EVA1C: variants seen among roughly 807,000 people sequenced by gnomAD.
EVA1C encodes eva-1 homolog C.
A neutral mutation model predicts 45.4 loss-of-function variants in EVA1C; 25 were observed. That is an observed-to-expected ratio of 0.55 (90% CI 0.40 to 0.77). The LOEUF (loss-of-function observed/expected upper bound fraction) is 0.77. EVA1C is among the 30% of genes least tolerant of loss of function. EVA1C has a pLI of 0.00. For missense variants in EVA1C, 479 were observed against 554.8 expected, an observed-to-expected ratio of 0.86 and a Z score of 1.37; for synonymous variants, 190 against 221.2, an observed-to-expected ratio of 0.86 and a Z score of 1.25.
chr21:32,489,990 G>C (rs1224542682), intron 4 of EVA1C, among the ~76,000 whole-genome samples: 1 of 152,098 alleles, frequency 6.6e-6, no homozygotes, highest in Non-Finnish European at 1.5e-5. Flanking sequence ...TTTTAGTAGA[G>C]ATGGGGTTTC....
At chr21:32,442,984 GGGAGGGAGGGAGGGAA>G (rs955605879) in intron 1 of EVA1C, among the ~76,000 whole-genome samples, 3 of 145,182 alleles carry the variant, frequency 2.1e-5, no homozygotes, top group Admixed American at 6.9e-5. Flanking sequence ...AGGGAAGGAA[GGGAGGGAGGGAGGGAA>G]GGAGGGAGGG....
intron 4 of EVA1C, among the ~76,000 whole-genome samples, chr21:32,484,742 G>A (rs2036913326): frequency 6.6e-6 from 1 of 151,944 alleles, no homozygotes; most frequent in East Asian, 1.9e-4. Context: ...CTCTCTTCTG[G>A]ACAGGCACCT....
intron 6 of EVA1C, among the ~76,000 whole-genome samples, chr21:32,502,191 C>T (rs953063013): frequency 4.6e-5 from 7 of 151,946 alleles, no homozygotes; most frequent in South Asian, 4.2e-4. Context: ...CCTCTGCCTC[C>T]GGGTTCAAGC....
At chr21:32,415,599 A>T (rs2034004758) in intron 1 of EVA1C, among the ~76,000 whole-genome samples, 2 of 151,652 alleles carry the variant, frequency 1.3e-5, no homozygotes, top group African/African-American at 4.8e-5. Flanking sequence ...TTTTGCCCTC[A>T]GGGATTCCAG....
At chr21:32,498,563 A>G (rs1364903977) in intron 5 of EVA1C, among the ~76,000 whole-genome samples, 3 of 152,070 alleles carry the variant, frequency 2.0e-5, no homozygotes, top group Non-Finnish European at 4.4e-5. Flanking sequence ...ATGCTATTTT[A>G]GAAAAGGGCA....
chr21:32,478,276 T>C (rs2036656005), intron 4 of EVA1C, among the ~76,000 whole-genome samples: 1 of 152,090 alleles, frequency 6.6e-6, no homozygotes, highest in Non-Finnish European at 1.5e-5. Flanking sequence ...TGGAGTGCAG[T>C]GGCTCGATCT....
At chr21:32,494,778 T>G (rs2037286657) in intron 4 of EVA1C, among the ~76,000 whole-genome samples, 1 of 97,124 alleles carries the variant, frequency 1.0e-5, no homozygotes, top group Non-Finnish European at 1.9e-5. Flanking sequence ...CAAGAATCAG[T>G]TTCAAAAAAA....
intron 2 of EVA1C, 136 bp from the exon 3 acceptor site, chr21:32,457,461 T>A (rs1321243654): frequency 2.2e-6 from 2 of 927,378 alleles, no homozygotes; most frequent in Non-Finnish European, 1.7e-6. Context: ...ACGTCTATGC[T>A]CTTTGGCCTT....
intron 4 of EVA1C, among the ~76,000 whole-genome samples, chr21:32,476,201 G>A (rs2036558490): frequency 6.6e-6 from 1 of 151,956 alleles, no homozygotes; most frequent in African/African-American, 2.4e-5. Context: ...TGGCAGAGTA[G>A]GGATAGTAAC....
intron 1 of EVA1C, among the ~76,000 whole-genome samples, chr21:32,451,980 G>A (rs1231936958): frequency 2.0e-5 from 3 of 152,134 alleles, no homozygotes; most frequent in East Asian, 3.9e-4. Flanking sequence ...CCTGCACCAC[G>A]CCCTTGGAGC....
chr21:32,507,818 ATGTG>A (rs566906614), intron 7 of EVA1C, among the ~76,000 whole-genome samples: 3 of 139,862 alleles, frequency 2.1e-5, no homozygotes, highest in African/African-American at 5.5e-5. Flanking sequence ...GCATGTATGT[ATGTG>A]TGTTGCATGT....
chr21:32,497,867 G>A lies in EVA1C; in HGVS notation c.778+2697G>A, dbSNP rs530628658. 3.3e-5 allele frequency among the ~76,000 whole-genome samples: 5 copies of A among 152,212 alleles called. No homozygotes were observed. In the East Asian group the frequency reaches 7.7e-4, roughly 24 times the overall value. On this transcript the variant is annotated intron_variant, in intron 5 of 7. Transcript: ENST00000300255. ...CTCATTTTTTAAACCATCAGATCTC[G>A]TGAGTCCCTTTCACTATCAAGACAA... is the stretch of plus-strand genomic sequence containing the variant.
intron 4 of EVA1C, 105 bp from the exon 5 acceptor site, chr21:32,494,922 G>T: frequency 8.2e-7 from 1 of 1,214,884 alleles, no homozygotes; most frequent in South Asian, 1.5e-5. Context: ...CTCTCCATTT[G>T]ATTTGAATCC....
At chr21:32,427,444 G>A (rs905659985) in intron 1 of EVA1C, among the ~76,000 whole-genome samples, 1 of 152,212 alleles carries the variant, frequency 6.6e-6, no homozygotes, top group Non-Finnish European at 1.5e-5. Flanking sequence ...GCCGGGCGTG[G>A]TGGCTCATGC....
chr21:32,511,438 A>AAAAAAAAAAAAAAG (rs772421375), intron 7 of EVA1C, among the ~76,000 whole-genome samples: 3 of 148,684 alleles, frequency 2.0e-5, no homozygotes, highest in Non-Finnish European at 4.5e-5. Context: ...AAAAAAAAAA[A>AAAAAAAAAAAAAAG]AAAGAAAGAA....
At chr21:32,447,508 A>G (rs1030034102) in intron 1 of EVA1C, among the ~76,000 whole-genome samples, 21 of 151,054 alleles carry the variant, frequency 1.4e-4, no homozygotes, top group African/African-American at 4.9e-4. Context: ...CTCTCTGAAC[A>G]TCAGTTCTTA....
chr21:32,457,590 C>T lies in EVA1C; in HGVS notation c.358-7C>T. The stretch of plus-strand genomic sequence containing the variant: ...AAGCCTGTCCCTTTTCTACCCTCTC[C>T]TTCTAGAAGGTGCTGGACGAATGCC... On this transcript the variant is annotated splice_region_variant and splice_polypyrimidine_tract_variant and intron_variant, in intron 2 of 7. Transcript: ENST00000300255. 1.2e-6 allele frequency: 2 copies of T among 1,614,176 alleles called. No individual in the cohort carries two copies. Among genetic ancestry groups the T allele is most frequent in the East Asian group, 2.2e-5 (1 of 44,886 alleles).
In EVA1C at chr21:32,455,981, C is replaced by T. The variant is rs141421780; in HGVS notation, c.358-1616C>T. 9.9e-5 allele frequency among the ~76,000 whole-genome samples: 15 copies of T among 152,278 alleles called. No individual in the cohort carries two copies. The East Asian group carries it at 2.9e-3, about 29-fold the overall frequency. On this transcript the variant is annotated intron_variant, in intron 2 of 7. Coordinates refer to ENST00000300255, the MANE Select transcript of EVA1C (RefSeq NM_058187.5). Reference sequence around the variant, plus strand: ...AATCTCGGCTTACCACAACCTCTGCCTCCCAGGTTCAAGCAATTCTCCTGC... The same window carrying T: ...AATCTCGGCTTACCACAACCTCTGCTTCCCAGGTTCAAGCAATTCTCCTGC...
chr21:32,428,626 T>G (rs950427097), intron 1 of EVA1C: 7 of 152,230 alleles, frequency 4.6e-5, no homozygotes, highest in African/African-American at 1.7e-4. Context: ...GGGTCTTTGA[T>G]GAGAGTCTAC....
Sources: gnomAD v4.1 joint callset for allele counts (sites outside exome capture counted in the v4.1 genomes callset) on GRCh38, gnomAD v4.1.1 for gene constraint, MANE v1.5 for transcripts, NCBI Gene and HGNC (gene_info 2026-07-23, HGNC 2026-07-21) for gene names.